ADAMTS19: variants seen among roughly 807,000 people sequenced by gnomAD.
ADAMTS19 encodes ADAM metallopeptidase with thrombospondin type 1 motif 19.
ADAMTS19 carries 93 observed loss-of-function variants against 153.3 expected under a neutral mutation model. The observed-to-expected ratio is 0.61, with a 90% confidence interval of 0.51 to 0.72. The LOEUF is 0.72. Ranked by LOEUF, ADAMTS19 falls within the 30% of genes least tolerant of loss-of-function variation. The probability of loss-of-function intolerance (pLI) is 0.00; values close to 1 mark genes in which losing one functional copy is unlikely to be tolerated. For missense variants in ADAMTS19, 1,482 were observed against 1,552.1 expected (o/e 0.95, Z 0.76); for synonymous variants, 600 against 556.6 (o/e 1.08, Z -1.10).
At position 129,665,567 on chromosome 5, in the gene ADAMTS19, C is replaced by A. The variant is rs780784966; in HGVS notation, c.2494C>A (p.His832Asn). 6.2e-7 allele frequency: 1 copy of A among 1,609,896 alleles called. No individual in the cohort carries two copies. Among genetic ancestry groups the A allele is most frequent in the Admixed American group, 1.7e-5 (1 of 59,774 alleles). Residue 832 changes from histidine to asparagine, a missense_variant, in exon 16 of 23, where the codon CAT becomes AAT. Coordinates refer to ENST00000274487, the MANE Select transcript of ADAMTS19 (RefSeq NM_133638.6). ...RIKVVEEKPA[H>N]SYLALRDAGK... ...CAAAGTTGTGGAGGAAAAGCCGGCA[C>A]ATAGCTATTTAGGTAACCTGTGTTA...
chr5:129,462,754 T>C (rs1278253679), intron 2 of ADAMTS19, among the ~76,000 whole-genome samples: 1 of 152,242 alleles, frequency 6.6e-6, no homozygotes, highest in Non-Finnish European at 1.5e-5. Flanking sequence ...CCATAGGCTT[T>C]ACTATTAATT....
Position 129,701,516 on chromosome 5 carries a change from G to T in ADAMTS19, c.3083G>T (p.Gly1028Val). Reference protein sequence around the residue: ...LIRARERDCIGPKPASAQRCE... With the variant: ...LIRARERDCIVPKPASAQRCE... The stretch of plus-strand genomic sequence containing the variant: ...AGAGCCCGAGAGAGGGACTGCATTG[G>T]GCCCAAGCCCGCCTCTGCCCAGCGC... Residue 1028 changes from glycine (G) to valine (V), a missense_variant, in exon 20 of 23, where the codon GGG (glycine) becomes GTG (valine). By Grantham distance (109) the Gly-to-Val change is moderately radical (BLOSUM62 -3). This residue lies in a region of ADAMTS19 where 616 missense variants were observed against 724.4 expected (regional missense o/e 0.85). Coordinates refer to ENST00000274487, the MANE Select transcript of ADAMTS19 (RefSeq NM_133638.6). 6.2e-7 allele frequency: 1 copy of T among 1,614,130 alleles called. No homozygotes were observed. The highest frequency in any genetic ancestry group is 1.3e-5 in the African/African-American group (1 of 75,030).
chr5:129,589,820 C>T (rs1221159795), intron 7 of ADAMTS19, among the ~76,000 whole-genome samples: 1 of 152,054 alleles, frequency 6.6e-6, no homozygotes, highest in African/African-American at 2.4e-5. Flanking sequence ...CCTTTGAGAA[C>T]TTCATGCTTG....
chr5:129,548,930 A>G (rs1210158818), intron 6 of ADAMTS19, among the ~76,000 whole-genome samples: 1 of 150,360 alleles, frequency 6.7e-6, no homozygotes, highest in African/African-American at 2.4e-5. Context: ...GCAAGGACAA[A>G]AAACCAAACA....
At chr5:129,642,279 A>G (rs1275406728) in intron 11 of ADAMTS19, among the ~76,000 whole-genome samples, 3 of 152,060 alleles carry the variant, frequency 2.0e-5, no homozygotes, top group South Asian at 2.1e-4. Flanking sequence ...TTAAGCACAA[A>G]TAATAGCATA....
intron 17 of ADAMTS19, 40 bp from the exon 18 acceptor site, chr5:129,684,080 A>C: frequency 6.3e-7 from 1 of 1,581,694 alleles, no homozygotes; most frequent in Non-Finnish European, 8.6e-7. Context: ...CACGTGCTCT[A>C]GTTTGACCCA....
At chr5:129,667,557 G>A (rs899297022) in intron 16 of ADAMTS19, among the ~76,000 whole-genome samples, 3 of 151,960 alleles carry the variant, frequency 2.0e-5, no homozygotes, top group African/African-American at 4.8e-5. Flanking sequence ...GTGATTTCAC[G>A]TGAGATCTGG....
At chr5:129,575,462 C>A (rs529988256) in intron 7 of ADAMTS19, among the ~76,000 whole-genome samples, 6 of 152,144 alleles carry the variant, frequency 3.9e-5, no homozygotes, top group East Asian at 1.9e-4. Context: ...TCATGAAAAT[C>A]TTTTAACTGT....
intron 3 of ADAMTS19, among the ~76,000 whole-genome samples, chr5:129,520,798 T>C (rs73787540): frequency 0.013 from 1,994 of 152,238 alleles, 41 homozygotes; most frequent in African/African-American, 0.045. Context: ...TCTCATTTTC[T>C]AAATCTGCAT....
At chr5:129,618,345 A>G (rs564282327) in intron 8 of ADAMTS19, among the ~76,000 whole-genome samples, 1 of 152,148 alleles carries the variant, frequency 6.6e-6, no homozygotes, top group Admixed American at 6.6e-5. Flanking sequence ...AGTATGATTC[A>G]CTGGTGAATT....
At chr5:129,562,229 T>G (rs1390057309) in intron 7 of ADAMTS19, among the ~76,000 whole-genome samples, 1 of 152,208 alleles carries the variant, frequency 6.6e-6, no homozygotes, top group East Asian at 1.9e-4. Context: ...GCAACAGAAA[T>G]GCTTTATCCA....
intron 2 of ADAMTS19, among the ~76,000 whole-genome samples, chr5:129,476,232 A>T (rs1750221040): frequency 6.6e-6 from 1 of 152,208 alleles, no homozygotes; most frequent in Non-Finnish European, 1.5e-5. Context: ...AAAATGAACA[A>T]TTTCAAACCA....
At chr5:129,585,623 T>C (rs1581115335) in intron 7 of ADAMTS19, among the ~76,000 whole-genome samples, 1 of 152,212 alleles carries the variant, frequency 6.6e-6, no homozygotes, top group East Asian at 1.9e-4. Context: ...CTTCCTGGTG[T>C]TCTTCATTTC....
At position 129,679,837 on chromosome 5, in the gene ADAMTS19, T is replaced by C; in HGVS notation, c.2580T>C (p.Ala860=). Residue 860 remains alanine, a synonymous_variant, in exon 17 of 23, where the codon GCT becomes GCC. Transcript: ENST00000274487. ...KIEHSGAFNL[A]GTTVHYVRRG... ...AACACTCTGGAGCCTTCAATTTGGC[T>C]GGAACTACCGTTCATTATGTAAGAC... The C allele has an allele frequency of 1.2e-6, 2 of 1,614,032 alleles. No homozygotes were observed. The highest frequency in any genetic ancestry group is 1.7e-6 in the Non-Finnish European group (2 of 1,179,922).
chr5:129,615,279 A>C (rs1751458354), intron 8 of ADAMTS19, among the ~76,000 whole-genome samples: 1 of 152,062 alleles, frequency 6.6e-6, no homozygotes, highest in South Asian at 2.1e-4. Flanking sequence ...AAGGAACTAT[A>C]CAAAAGGTTA....
At chr5:129,562,620 G>T (rs900836362) in intron 7 of ADAMTS19, among the ~76,000 whole-genome samples, 1 of 152,150 alleles carries the variant, frequency 6.6e-6, no homozygotes, top group East Asian at 1.9e-4. Context: ...GGGATAGTCA[G>T]TGTTTACGTG....
chr5:129,703,484 A>G (rs1185303641), intron 20 of ADAMTS19, among the ~76,000 whole-genome samples: 3 of 152,120 alleles, frequency 2.0e-5, no homozygotes, highest in African/African-American at 7.2e-5. Flanking sequence ...TATAATCCCA[A>G]CACTTTGGGA....
At chr5:129,717,116 T>G (rs772172099) in intron 21 of ADAMTS19, among the ~76,000 whole-genome samples, 16 of 152,180 alleles carry the variant, frequency 1.1e-4, no homozygotes, top group Non-Finnish European at 2.2e-4. Context: ...GCCTTAGAAC[T>G]CCTTGGTACA....
chr5:129,582,674 G>A (rs532337363), intron 7 of ADAMTS19, among the ~76,000 whole-genome samples: 85 of 151,936 alleles, frequency 5.6e-4, no homozygotes, highest in African/African-American at 1.9e-3. Context: ...CCAGGTTCAT[G>A]CCATTCTCCT....
Sources: allele counts gnomAD v4.1 joint callset (sites outside exome capture counted in the v4.1 genomes callset), GRCh38; gene constraint gnomAD v4.1.1; regional missense constraint gnomAD v4.1.1; transcripts MANE v1.5; gene names NCBI Gene and HGNC (gene_info 2026-07-23, HGNC 2026-07-21).